Variants in CAST observed in about 807,000 individuals in gnomAD.
The protein encoded by CAST is MIR583 host.
Under a neutral mutation model 119.6 loss-of-function variants are expected in CAST, and 76 were observed. The ratio of observed to expected loss-of-function variants is 0.64; its 90% CI spans 0.53 to 0.77. The LOEUF (loss-of-function observed/expected upper bound fraction) is 0.77, where lower values mean the gene tolerates loss of function less well. Ranked by LOEUF, CAST falls within the 30% of genes least tolerant of loss-of-function variation. CAST has a pLI of 0.00. For synonymous variants in CAST, 319 were observed against 331.6 expected, an observed-to-expected ratio of 0.96 and a Z score of 0.41; for missense variants, 953 against 946.5, an observed-to-expected ratio of 1.01 and a Z score of -0.09.
chr5:96,400,059 C>G, the CAST span: 1 of 1,614,162 alleles, frequency 6.2e-7, no homozygotes, highest in Non-Finnish European at 8.5e-7. Flanking sequence ...TTTAGCAAGC[C>G]AAATCCAAAT....
At chr5:96,416,156 A>G in the CAST span, 9 of 1,401,684 alleles carry the variant, frequency 6.4e-6, no homozygotes, top group East Asian at 1.8e-4. Flanking sequence ...TAAAACATAC[A>G]GAAGAACAAA....
chr5:96,593,896 T>C (rs1225041939), intron 1 of CAST, among the ~76,000 whole-genome samples: 1 of 152,226 alleles, frequency 6.6e-6, no homozygotes. Flanking sequence ...CTGTTGTTTT[T>C]AAGCCACACT....
the CAST span, among the ~76,000 whole-genome samples, chr5:96,417,463 A>G: frequency 6.6e-6 from 1 of 151,900 alleles, no homozygotes; most frequent in Admixed American, 6.6e-5. Context: ...CTCTCAGACA[A>G]CTTTCAAGGA....
At chr5:96,310,650 AT>A in the CAST span, among the ~76,000 whole-genome samples, 5 of 149,364 alleles carry the variant, frequency 3.3e-5, no homozygotes, top group East Asian at 9.8e-4. Context: ...TTTCTTTATG[AT>A]TCAGTGTTTG....
chr5:96,574,595 C>CT (rs1202014244), intron 1 of CAST, among the ~76,000 whole-genome samples: 18 of 152,092 alleles, frequency 1.2e-4, no homozygotes, highest in Admixed American at 8.5e-4. Flanking sequence ...TGCATGGAGT[C>CT]TAAGAACTCT....
At chr5:96,108,147 A>C in the CAST span, among the ~76,000 whole-genome samples, 2 of 152,068 alleles carry the variant, frequency 1.3e-5, no homozygotes, top group African/African-American at 2.4e-5. Context: ...CAAAGTTTTC[A>C]ACTTCTTTGC....
At chr5:96,612,954 G>A (rs1747389201) in intron 1 of CAST, among the ~76,000 whole-genome samples, 1 of 152,038 alleles carries the variant, frequency 6.6e-6, no homozygotes, top group African/African-American at 2.4e-5. Context: ...TTATCAGTTA[G>A]CCCATGCATG....
At chr5:96,604,774 T>C (rs1479759800) in intron 1 of CAST, among the ~76,000 whole-genome samples, 1 of 152,146 alleles carries the variant, frequency 6.6e-6, no homozygotes, top group African/African-American at 2.4e-5. Flanking sequence ...AGGCATGGGA[T>C]TTAGGTTCTG....
chr5:96,640,425 C>G (rs138832938), intron 1 of CAST, among the ~76,000 whole-genome samples: 46 of 152,242 alleles, frequency 3.0e-4, no homozygotes, highest in African/African-American at 1.1e-3. Context: ...AGAGCCAGGC[C>G]CTCAGGAATA....
intron 31 of CAST, 21 bp downstream of exon 31, chr5:96,771,723 T>C: frequency 6.7e-7 from 1 of 1,484,022 alleles, no homozygotes; most frequent in Non-Finnish European, 9.4e-7. Context: ...TGTTTATTTG[T>C]AAATGAAGAC....
At chr5:96,412,980 C>T in the CAST span, 1 of 1,001,450 alleles carries the variant, frequency 1.0e-6, no homozygotes, top group African/African-American at 1.8e-5. Flanking sequence ...ATGGCTGTCC[C>T]ACAAATGGCT....
chr5:96,361,757 G>C, the CAST span, among the ~76,000 whole-genome samples: 214 of 102,582 alleles, frequency 2.1e-3, 2 homozygotes, highest in Non-Finnish European at 2.2e-3. Flanking sequence ...GGGAGCTGCT[G>C]ACAGGAGCGA....
At chr5:96,318,814 G>C in the CAST span, 13 of 152,114 alleles carry the variant, frequency 8.5e-5, no homozygotes, top group Non-Finnish European at 1.8e-4. Context: ...ATATCTAGTA[G>C]TTTGGTTTCC....
the CAST span, among the ~76,000 whole-genome samples, chr5:96,281,372 T>A: frequency 6.6e-6 from 1 of 152,300 alleles, no homozygotes; most frequent in Non-Finnish European, 1.5e-5. Context: ...TTTCTCTGAG[T>A]TGTCTTCATG....
At chr5:96,333,613 G>A in the CAST span, among the ~76,000 whole-genome samples, 1 of 152,140 alleles carries the variant, frequency 6.6e-6, no homozygotes, top group South Asian at 2.1e-4. Context: ...CCTTCTTCCT[G>A]CTGTTGGAGG....
chr5:96,729,092 G>A, intron 6 of CAST, 61 bp from the exon 7 acceptor site: 1 of 1,044,688 alleles, frequency 9.6e-7, no homozygotes, highest in South Asian at 1.4e-5. Context: ...TCTTGTTCTT[G>A]TTTGAAAGTA....
chr5:96,612,865 A>G (rs1747388069), intron 1 of CAST, among the ~76,000 whole-genome samples: 1 of 152,212 alleles, frequency 6.6e-6, no homozygotes, highest in African/African-American at 2.4e-5. Flanking sequence ...ATACACACAT[A>G]TATACATACA....
the CAST span, chr5:96,433,186 C>T: frequency 1.5e-5 from 12 of 785,152 alleles, no homozygotes; most frequent in Admixed American, 1.4e-4. Flanking sequence ...AGCTAGGAGG[C>T]GCGAGAGGAG....
At chr5:96,271,739 C>T in the CAST span, among the ~76,000 whole-genome samples, 1 of 149,982 alleles carries the variant, frequency 6.7e-6, no homozygotes, top group Non-Finnish European at 1.5e-5. Context: ...CACAGGAAAC[C>T]AAAGCAAAAA....
Sources: gnomAD v4.1 joint callset for allele counts (sites outside exome capture counted in the v4.1 genomes callset) on GRCh38, gnomAD v4.1.1 for gene constraint, MANE v1.5 for transcripts, NCBI Gene and HGNC (gene_info 2026-07-23, HGNC 2026-07-21) for gene names.